Variants in NDUFA6 observed in about 807,000 individuals in gnomAD.
NDUFA6 encodes the protein NADH dehydrogenase [ubiquinone] 1 alpha subcomplex subunit 6.
NDUFA6 carries 10 observed loss-of-function variants against 12.5 expected under a neutral mutation model. The ratio of observed to expected loss-of-function variants is 0.80; its 90% confidence interval spans 0.49 to 1.35. NDUFA6 has a LOEUF of 1.35. Ranked by LOEUF, NDUFA6 falls within the 40% of genes most tolerant of loss-of-function variation. The pLI, the probability that NDUFA6 is intolerant of heterozygous loss-of-function variation, is 0.00. For synonymous variants in NDUFA6, 66 were observed against 63.0 expected (o/e 1.05, Z -0.23); for missense variants, 177 against 173.5 (o/e 1.02, Z -0.11).
chr22:42,086,381 A>G, intron 2 of NDUFA6, 67 bp from the exon 3 acceptor site: 1 of 1,596,770 alleles, frequency 6.3e-7, no homozygotes, highest in Non-Finnish European at 8.6e-7. Flanking sequence ...ACTGAAGGCC[A>G]GGATTCTATT....
At chr22:42,087,482 T>G in intron 1 of NDUFA6, 1 of 413,070 alleles carries the variant, frequency 2.4e-6, no homozygotes, top group South Asian at 2.3e-5. Context: ...AAGTTAACTT[T>G]CTTGTGCCTG....
chr22:42,086,953 A>G, intron 2 of NDUFA6, 107 bp downstream of exon 2: 2 of 831,820 alleles, frequency 2.4e-6, no homozygotes, highest in Non-Finnish European at 4.2e-6. Flanking sequence ...TCACTGCCGA[A>G]CCAGTAGCTG....
rs975027971 is a variant in NDUFA6, at chr22:42,090,579, G to C, written c.139+27C>G. The C allele has an allele frequency of 2.5e-6, 4 of 1,612,278 alleles. No individual in the cohort carries two copies. The South Asian group carries it at 4.4e-5, about 18-fold the overall frequency. ...TACGACCTTGAGCGGCGGCCTCCGG[G>C]TCCCCACGTAAGCCGCTACCTCTCA... On this transcript the variant is annotated intron_variant, in intron 1 of 2. Transcript: ENST00000498737.
chr22:42,086,392 C>A, intron 2 of NDUFA6, 78 bp from the exon 3 acceptor site: 1 of 1,581,006 alleles, frequency 6.3e-7, no homozygotes, highest in Non-Finnish European at 8.7e-7. Context: ...GGATTCTATT[C>A]TCTGCTCAGC....
chr22:42,090,643 C>T lies in NDUFA6; in HGVS notation c.102G>A (p.Glu34=). The change falls in exon 1 of 3, where the codon GAG becomes GAA. Residue 34 remains glutamate, a synonymous_variant. Transcript: ENST00000498737. ...CCTCCCGATACCAGGCGCGGTAGAG[C>T]TCGCGCACCCTCCGCTTGGCCTCGT... ...DMNEAKRRVR[E]LYRAWYREVP... The T allele has an allele frequency of 1.2e-6, 2 of 1,614,102 alleles. No individual in the cohort carries two copies. The highest frequency in any genetic ancestry group is 8.5e-7 in the Non-Finnish European group (1 of 1,180,032).
rs1412525759 is a variant in NDUFA6, at chr22:42,086,136, T to C, written c.*47A>G. 1 of 1,613,714 alleles carries C rather than the reference T, an allele frequency of 6.2e-7. No homozygotes were observed. Among genetic ancestry groups the C allele is most frequent in the African/African-American group, 1.3e-5 (1 of 74,924 alleles). On this transcript the variant is annotated 3_prime_UTR_variant, in exon 3 of 3. Coordinates refer to ENST00000498737, the MANE Select transcript of NDUFA6 (RefSeq NM_002490.6). ...AAGTGACCATTGTATAGTGAGTTTA[T>C]TTGTGCTCTAAAATAGTATCAACGT...
intron 1 of NDUFA6, among the ~76,000 whole-genome samples, chr22:42,088,630 G>A (rs1928423991): frequency 6.8e-6 from 1 of 147,984 alleles, no homozygotes. Flanking sequence ...GAGGCATGGG[G>A]AAATCACTTG....
intron 1 of NDUFA6, among the ~76,000 whole-genome samples, chr22:42,087,726 C>T (rs1463398770): frequency 4.6e-5 from 7 of 151,144 alleles, no homozygotes; most frequent in Admixed American, 2.0e-4. Context: ...GGTGTGAACC[C>T]GGGAGGTGGA....
rs1284242078 is a variant in NDUFA6, at chr22:42,087,158, C to G, written c.157G>C (p.Asp53His). 6.2e-7 allele frequency: 1 copy of G among 1,613,664 alleles called. No homozygotes were observed. ...TCCCGTCCCATTTTCACAGTGATGT[C>G]CAGCTGGAATTGGTGCACTAGAGAG... ...VPNTVHQFQL[D>H]ITVKMGRDKV... Residue 53 changes from aspartate to histidine, a missense_variant, in exon 2 of 3, where the codon GAC (aspartate) becomes CAC (histidine). Coordinates refer to ENST00000498737, the MANE Select transcript of NDUFA6 (RefSeq NM_002490.6).
chr22:42,089,403 G>A (rs1225805756), intron 1 of NDUFA6, among the ~76,000 whole-genome samples: 1 of 150,752 alleles, frequency 6.6e-6, no homozygotes, highest in Non-Finnish European at 1.5e-5. Context: ...TGCCCCTGAA[G>A]GCATCTGAAT....
intron 1 of NDUFA6, chr22:42,089,678 G>A (rs1041941451): frequency 1.3e-5 from 2 of 152,066 alleles, no homozygotes; most frequent in Non-Finnish European, 2.9e-5. Flanking sequence ...CCTGTTCTAA[G>A]CACTCTAGAT....
chr22:42,090,479 C>A (rs1928570561), intron 1 of NDUFA6, 127 bp downstream of exon 1: 1 of 1,201,140 alleles, frequency 8.3e-7, no homozygotes, highest in East Asian at 2.3e-5. Flanking sequence ...CCCTCTTCCC[C>A]TGAAGCACCC....
rs2146870922 is a variant in NDUFA6, at chr22:42,085,906, C to G, written c.*277G>C. ...ATTAACAAGTCGTCCAGCCTCATGC[C>G]CAATGTCACAATTTTTGAACAGATG... On this transcript the variant is annotated 3_prime_UTR_variant, in exon 3 of 3. Transcript: ENST00000498737. 1 of 543,578 alleles carries G rather than the reference C, an allele frequency of 1.8e-6. No homozygotes were observed. Among genetic ancestry groups the G allele is most frequent in the South Asian group, 2.0e-5 (1 of 49,038 alleles). The allele number at this position is 543,578 out of a possible 1,614,324, so 33.7% of individuals were successfully genotyped here. A position where few individuals can be genotyped will look rare whatever the true frequency, so the allele number is the denominator to read the frequency against.
chr22:42,090,549 C>A, intron 1 of NDUFA6, 57 bp downstream of exon 1: 1 of 1,601,134 alleles, frequency 6.2e-7, no homozygotes, highest in Non-Finnish European at 8.5e-7. Context: ...CCCGGCCGGG[C>A]CGGCTACGAC....
chr22:42,086,263 C>T lies in NDUFA6; in HGVS notation c.307G>A (p.Val103Ile), dbSNP rs767987528. ...TIKVWKQRTH[V>I]MRFFHETEAP... ...TCTGTTTCATGGAAGAACCGCATAA[C>T]ATGTGTCCGCTGCTTCCATACTTTA... Residue 103 changes from valine (V) to isoleucine (I), a missense_variant, in exon 3 of 3, where the codon GTT becomes ATT. Coordinates refer to ENST00000498737, the MANE Select transcript of NDUFA6 (RefSeq NM_002490.6). 3.7e-6 allele frequency: 6 copies of T among 1,614,140 alleles called. No homozygotes were observed. In the African/African-American group the frequency reaches 6.7e-5, roughly 18 times the overall value.
rs56931746 is a variant in NDUFA6 at position 42,088,252 on chromosome 22, A to G, written c.140-1077T>C. 8.3e-3 allele frequency among the ~76,000 whole-genome samples: 1,216 copies of G among 147,064 alleles called. 21 individuals are homozygous for G. Among genetic ancestry groups the G allele is most frequent in the African/African-American group, 0.03 (1,171 of 39,560 alleles). On this transcript the variant is annotated intron_variant, in intron 1 of 2. Coordinates refer to ENST00000498737, the MANE Select transcript of NDUFA6 (RefSeq NM_002490.6). ...GAAACCCCGTCTCTACTAAAAATACAAAAAATTAGCCGGGCGCGGTGGCGG... is the reference window on the plus strand; with the variant it reads ...GAAACCCCGTCTCTACTAAAAATACGAAAAATTAGCCGGGCGCGGTGGCGG...
chr22:42,085,721 C>T lies in NDUFA6; in HGVS notation c.*462G>A, dbSNP rs1389420914. The T allele has an allele frequency of 1.2e-5, 3 of 242,028 alleles. No individual in the cohort carries two copies. Among genetic ancestry groups the T allele is most frequent in the Non-Finnish European group, 2.5e-5 (3 of 121,620 alleles). 15.0% of individuals were successfully genotyped at this position (242,028 alleles called of 1,614,324 possible). The stretch of plus-strand genomic sequence containing the variant: ...TAGCGGAGCCAAGCCTTTGCACATC[C>T]ATTTTCTTCAGAACCCAAGGAAAAC... On this transcript the variant is annotated 3_prime_UTR_variant, in exon 3 of 3. Transcript: ENST00000498737.
rs750830935 is a variant in NDUFA6, at chr22:42,087,124, C to T, written c.191G>A (p.Arg64Gln). ...ITVKMGRDKV[R>Q]EMFMKNAHVT... is the part of the protein sequence containing the mutation. ...ATGGGCATTCTTCATAAACATTTCT[C>T]GGACTTTATCCCGTCCCATTTTCAC... The change falls in exon 2 of 3, where the codon CGA becomes CAA. Residue 64 changes from arginine (R) to glutamine (Q), a missense_variant. Coordinates refer to ENST00000498737, the MANE Select transcript of NDUFA6 (RefSeq NM_002490.6). The T allele has an allele frequency of 5.3e-5, 86 of 1,614,022 alleles. 1 individual carries two copies. The South Asian group carries it at 7.5e-4, about 14-fold the overall frequency.
Position 42,090,586 on chromosome 22 carries a change from C to T in NDUFA6, c.139+20G>A, listed in dbSNP as rs1048242599. ...TTGAGCGGCGGCCTCCGGGTCCCCA[C>T]GTAAGCCGCTACCTCTCACCAGTGT... On this transcript the variant is annotated intron_variant, in intron 1 of 2. Coordinates refer to ENST00000498737, the MANE Select transcript of NDUFA6 (RefSeq NM_002490.6). 1.2e-6 allele frequency: 2 copies of T among 1,612,862 alleles called. No individual in the cohort carries two copies.
Sources: gnomAD v4.1 joint callset for allele counts (sites outside exome capture counted in the v4.1 genomes callset) on GRCh38, gnomAD v4.1.1 for gene constraint, MANE v1.5 for transcripts, NCBI Gene and HGNC (gene_info 2026-07-23, HGNC 2026-07-21) for gene names.